The following SIGIRR variants were observed in gnomAD, a reference collection of about 807,000 sequenced individuals.
The protein encoded by SIGIRR is single Ig IL-1-related receptor.
In SIGIRR, 41 loss-of-function variants were observed where a neutral mutation model predicts 45.6. That is an observed-to-expected ratio of 0.90 (90% CI 0.70 to 1.17). The LOEUF is 1.17. Among genes scored for constraint, SIGIRR ranks in the 50% most tolerant of loss-of-function variants. The probability of loss-of-function intolerance (pLI) is 0.00; values close to 1 mark genes in which losing one functional copy is unlikely to be tolerated. For synonymous variants in SIGIRR, 298 were observed against 239.0 expected (o/e 1.25, Z -2.28); for missense variants, 599 against 539.6 (o/e 1.11, Z -1.09).
At chr11:407,230 G>C (rs1847366820) in intron 6 of SIGIRR, 66 bp from the exon 7 acceptor site, 1 of 1,080,820 alleles carries the variant, frequency 9.3e-7, no homozygotes, top group East Asian at 3.2e-5. Flanking sequence ...GGAGGCTCAG[G>C]GGCGGTGCCG....
At chr11:416,900 C>G (rs973980242), upstream of SIGIRR, among the ~76,000 whole-genome samples, 5 of 152,130 alleles carry the variant, frequency 3.3e-5, no homozygotes, top group African/African-American at 1.2e-4. This position sits in a 1 kb window ranked among gnomAD's most constrained non-coding sequence, Gnocchi z 9.1. Context: ...GAAGCTCCAC[C>G]CGGCGCCGGG....
upstream of SIGIRR, chr11:417,382 G>A (rs1847916782): frequency 6.6e-6 from 1 of 152,138 alleles, no homozygotes; most frequent in Non-Finnish European, 1.5e-5. The surrounding 1 kb of genome is among the most constrained non-coding windows in gnomAD (Gnocchi z 4.2). Context: ...ACCTGAGCCA[G>A]GTGCGCAGCG....
upstream of SIGIRR, among the ~76,000 whole-genome samples, chr11:415,440 G>A (rs184358555): frequency 1.3e-3 from 196 of 152,222 alleles, no homozygotes; most frequent in Admixed American, 2.8e-3. This position sits in a 1 kb window ranked among gnomAD's most constrained non-coding sequence, Gnocchi z 6.6. Context: ...CGGGGACCGC[G>A]CGGCATGCCT....
chr11:407,517 C>G lies in SIGIRR; in HGVS notation c.533G>C (p.Arg178Pro), dbSNP rs542579013. 6.2e-7 allele frequency: 1 copy of G among 1,607,198 alleles called. No homozygotes were observed. The highest frequency in any genetic ancestry group is 2.2e-5 in the East Asian group (1 of 44,578). ...YVSYSDCPED[R>P]KFVNFILKPQ... ...CTTTAGGATGAAGTTCACGAACTTGCGGTCCTCGGGGCAGTCGCTGTAGGA... is the reference window on the plus strand; with the variant it reads ...CTTTAGGATGAAGTTCACGAACTTGGGGTCCTCGGGGCAGTCGCTGTAGGA... The change falls in exon 6 of 10, where the codon CGC becomes CCC. Residue 178 changes from arginine (R) to proline (P), a missense_variant. Arg to Pro is a moderately radical substitution (Grantham distance 103). Coordinates refer to ENST00000431843, the MANE Select transcript of SIGIRR (RefSeq NM_001135054.2).
intron 5 of SIGIRR, 88 bp from the exon 6 acceptor site, chr11:407,656 G>A: frequency 1.3e-6 from 2 of 1,559,952 alleles, no homozygotes; most frequent in South Asian, 1.2e-5. Flanking sequence ...TCTCCCACGT[G>A]CACAGGGGCA....
intron 2 of SIGIRR, chr11:409,629 C>G (rs995777800): frequency 2.3e-6 from 1 of 430,352 alleles, no homozygotes; most frequent in African/African-American, 2.0e-5. Context: ...CATTCCTGGG[C>G]TTTACTGACC....
chr11:407,317 T>TG (rs1258615519), intron 6 of SIGIRR, 108 bp downstream of exon 6: 94 of 679,836 alleles, frequency 1.4e-4, no homozygotes, highest in Admixed American at 3.9e-4. Flanking sequence ...TGGGCGGGGA[T>TG]GGGGGCGGAG....
At position 406,522 on chromosome 11, in the gene SIGIRR, A is replaced by G. The variant is rs369317724; in HGVS notation, c.896T>C (p.Phe299Ser). ...RPGSVTPSSDFWKEVQLALPR... is the reference protein window; with the variant it reads ...RPGSVTPSSDSWKEVQLALPR... ...CAGCGCCAGCTGCACTTCTTTCCAA[A>G]AATCGGAGGAAGGAGTCTGGGGGCC... Residue 299 changes from phenylalanine (F) to serine (S), a missense_variant, in exon 9 of 10, where the codon TTT becomes TCT. By Grantham distance (155) the Phe-to-Ser change is radical. Coordinates refer to ENST00000431843, the MANE Select transcript of SIGIRR (RefSeq NM_001135054.2). 1.7e-5 allele frequency: 27 copies of G among 1,609,020 alleles called. No homozygotes were observed. Among genetic ancestry groups the G allele is most frequent in the Non-Finnish European group, 2.0e-5 (24 of 1,177,130 alleles).
At chr11:406,669 G>A (rs1371620515) in intron 8 of SIGIRR, 131 bp from the exon 9 acceptor site, 3 of 1,406,468 alleles carry the variant, frequency 2.1e-6, no homozygotes, top group East Asian at 2.5e-5. Context: ...GGCTCCGGGG[G>A]CCTCAAGGGC....
At chr11:409,275 C>A in intron 2 of SIGIRR, 1 of 400,044 alleles carries the variant, frequency 2.5e-6, no homozygotes, top group Non-Finnish European at 4.9e-6. Flanking sequence ...CCGGGCACTG[C>A]ACCCCTCAGC....
chr11:408,295 G>A lies in SIGIRR; in HGVS notation c.207-89C>T, dbSNP rs1486729889. On this transcript the variant is annotated intron_variant, in intron 3 of 9. Transcript: ENST00000431843. ...CTGTCTGGGTTCACCCAGGGAGGCT[G>A]CAGAATTGGGCCTCCTGGGTGGTTC... The A allele has an allele frequency of 1.9e-5, 28 of 1,512,834 alleles. 1 individual carries two copies. Among genetic ancestry groups the A allele is most frequent in the Non-Finnish European group, 2.4e-5 (27 of 1,128,698 alleles). 93.7% of individuals were successfully genotyped at this position (1,512,834 alleles called of 1,614,324 possible). A position where few individuals can be genotyped will look rare whatever the true frequency, so the allele number is the denominator to read the frequency against.
At position 407,424 on chromosome 11, in the gene SIGIRR, C is replaced by G. The variant is rs1318512374; in HGVS notation, c.625+1G>C. 2.6e-6 allele frequency: 4 copies of G among 1,543,720 alleles called. No homozygotes were observed. Among genetic ancestry groups the G allele is most frequent in the African/African-American group, 1.4e-5 (1 of 72,658 alleles). ...GGGGCACGGGGTGGGGCCCGGGATA[C>G]CAGCGCGCGGCAGGAGGTCGCGGTC... On this transcript the variant is annotated splice_donor_variant, in intron 6 of 9. Coordinates refer to ENST00000431843, the MANE Select transcript of SIGIRR (RefSeq NM_001135054.2). LOFTEE classifies it high-confidence loss of function.
At chr11:412,362 C>T (rs1246252049) in intron 1 of SIGIRR, among the ~76,000 whole-genome samples, 1 of 45,064 alleles carries the variant, frequency 2.2e-5, no homozygotes, top group Non-Finnish European at 4.2e-5. Context: ...TGAATGCAGT[C>T]GGGGAGGGGG....
upstream of SIGIRR, among the ~76,000 whole-genome samples, chr11:416,635 C>A (rs1321562469): frequency 6.6e-6 from 1 of 152,168 alleles, no homozygotes; most frequent in Non-Finnish European, 1.5e-5. The surrounding 1 kb of genome is among the most constrained non-coding windows in gnomAD (Gnocchi z 9.1). Flanking sequence ...GCGGGCGACT[C>A]CCGCTCAGCT....
Position 407,111 on chromosome 11 carries a change from C to CGCT in SIGIRR, c.678_679insAGC (p.Val226_Val227insSer). ...CGGCTCAGGAAGGCGTCCGAAAGCA[C>CGCT]CACGATGAGGCGTCGGCAGCGGCTC... On this transcript the variant is annotated inframe_insertion, in exon 7 of 10. Coordinates refer to ENST00000431843, the MANE Select transcript of SIGIRR (RefSeq NM_001135054.2). The CGCT allele has an allele frequency of 1.9e-6, 3 of 1,538,460 alleles. No homozygotes were observed. Among genetic ancestry groups the CGCT allele is most frequent in the Admixed American group, 1.9e-5 (1 of 52,182 alleles).
chr11:409,178 C>T, intron 2 of SIGIRR: 1 of 514,410 alleles, frequency 1.9e-6, no homozygotes, highest in Non-Finnish European at 3.6e-6. Flanking sequence ...TGCTTGTCCA[C>T]CCAGGATGTG....
chr11:414,789 CAGGCTCACTCAG>C (rs778739293), intron 1 of SIGIRR, 22 bp downstream of exon 1: 22 of 985,254 alleles, frequency 2.2e-5, no homozygotes, highest in Non-Finnish European at 2.5e-5. Context: ...GGCCCTGACA[CAGGCTCACTCAG>C]AGCAGCGGGG....
chr11:407,336 TGGGGGTGGG>T, intron 6 of SIGIRR, 80 bp downstream of exon 6: 1 of 991,974 alleles, frequency 1.0e-6, no homozygotes, highest in Non-Finnish European at 1.3e-6. Flanking sequence ...AGCTCGATGG[TGGGGGTGGG>T]GCCCCGGGTG....
At position 406,718 on chromosome 11, in the gene SIGIRR, C is replaced by G; in HGVS notation, c.879+125G>C. ...GGGGCCCCAGGCAGCGGAACCTCCCCCCAGGGCCCATTCACAAAGCGTGGT... is the reference window on the plus strand; with the variant it reads ...GGGGCCCCAGGCAGCGGAACCTCCCGCCAGGGCCCATTCACAAAGCGTGGT... On this transcript the variant is annotated intron_variant, in intron 8 of 9. Transcript: ENST00000431843. 22 of 1,417,848 alleles carry G rather than the reference C, an allele frequency of 1.6e-5. No homozygotes were observed. In the South Asian group the frequency reaches 3.0e-4, roughly 19 times the overall value. The allele number at this position is 1,417,848 out of a possible 1,614,324, so 87.8% of individuals were successfully genotyped here. A position where few individuals can be genotyped will look rare whatever the true frequency, so the allele number is the denominator to read the frequency against.
Sources: allele counts gnomAD v4.1 joint callset (sites outside exome capture counted in the v4.1 genomes callset), GRCh38; gene constraint gnomAD v4.1.1; non-coding constraint Gnocchi (gnomAD v3.1); transcripts MANE v1.5; gene names NCBI Gene and HGNC (gene_info 2026-07-23, HGNC 2026-07-21).